MKX: variants seen among roughly 807,000 people sequenced by gnomAD.
MKX encodes the protein mohawk homeobox, also known as homeobox protein Mohawk.
In MKX, 13 loss-of-function variants were observed where a neutral mutation model predicts 36.0. The observed-to-expected ratio is 0.36, with a 90% CI of 0.24 to 0.57. The LOEUF is 0.57. Among genes scored for constraint, MKX ranks in the 20% least tolerant of loss-of-function variants. The probability of loss-of-function intolerance (pLI) is 0.79; values close to 1 mark genes in which losing one functional copy is unlikely to be tolerated. For synonymous variants in MKX, 176 were observed against 178.3 expected (o/e 0.99, Z 0.10); for missense variants, 458 against 456.4 (o/e 1.00, Z -0.03).
intron 5 of MKX, among the ~76,000 whole-genome samples, chr10:27,683,870 C>T (rs1335695276): frequency 1.3e-5 from 2 of 152,070 alleles, no homozygotes. Context: ...ACCAAATGAC[C>T]CCCAGGGCTC....
intron 5 of MKX, among the ~76,000 whole-genome samples, chr10:27,697,905 A>T (rs937984643): frequency 6.6e-6 from 1 of 152,160 alleles, no homozygotes; most frequent in Non-Finnish European, 1.5e-5. Context: ...GGCAGCAGGG[A>T]AGAGACCCCA....
intron 5 of MKX, among the ~76,000 whole-genome samples, chr10:27,688,642 C>T (rs960337119): frequency 1.3e-5 from 2 of 152,224 alleles, no homozygotes; most frequent in Non-Finnish European, 2.9e-5. Flanking sequence ...TCTGTGTGTG[C>T]TTGTATGTTG....
chr10:27,734,322 C>T (rs530902987), intron 5 of MKX, 134 bp downstream of exon 5: 4 of 791,332 alleles, frequency 5.1e-6, no homozygotes, highest in Admixed American at 3.1e-5. Flanking sequence ...AAAACGAAAG[C>T]TTTAAAACTG....
Position 27,734,741 on chromosome 10 carries a change from G to A in MKX, c.553C>T (p.Pro185Ser), listed in dbSNP as rs759513838. The A allele has an allele frequency of 3.1e-6, 5 of 1,614,018 alleles. No homozygotes were observed. Among genetic ancestry groups the A allele is most frequent in the Non-Finnish European group, 4.2e-6 (5 of 1,179,998 alleles). The change falls in exon 5 of 7, where the codon CCA (proline) becomes TCA (serine). Residue 185 changes from proline to serine, a missense_variant. Coordinates refer to ENST00000419761, the MANE Select transcript of MKX (RefSeq NM_173576.3). ...CTTTTAATCACAGGATGGTGAACTG[G>A]GGTATTATAGCCCCCTTCGTTCATG... ...THMNEGGYNTPVHHPVIKSEN... is the reference protein window; with the variant it reads ...THMNEGGYNTSVHHPVIKSEN...
chr10:27,701,308 C>T (rs76877924), intron 5 of MKX, among the ~76,000 whole-genome samples: 5 of 20,772 alleles, frequency 2.4e-4, no homozygotes, highest in African/African-American at 5.3e-4. Flanking sequence ...CGGCACGCAG[C>T]GCATTCTCAC....
intron 5 of MKX, among the ~76,000 whole-genome samples, chr10:27,701,318 C>T (rs1836648592): frequency 2.6e-5 from 1 of 38,908 alleles, no homozygotes; most frequent in Admixed American, 3.1e-4. Context: ...CGCATTCTCA[C>T]GTGATTTTAT....
At chr10:27,685,449 T>A (rs1836325754) in intron 5 of MKX, among the ~76,000 whole-genome samples, 1 of 27,618 alleles carries the variant, frequency 3.6e-5, no homozygotes, top group Non-Finnish European at 1.2e-4. Flanking sequence ...AGTGATTTTT[T>A]TTTTTTTTTT....
intron 5 of MKX, among the ~76,000 whole-genome samples, chr10:27,695,395 T>C (rs1836535557): frequency 6.7e-6 from 1 of 148,544 alleles, no homozygotes; most frequent in African/African-American, 2.5e-5. Context: ...AAGACAAGAA[T>C]AGGAGACAGG....
intron 5 of MKX, among the ~76,000 whole-genome samples, chr10:27,681,923 AG>A (rs58003239): frequency 0.16 from 23,579 of 151,118 alleles, 2,743 homozygotes; most frequent in East Asian, 0.55. Context: ...CTACGTCTCA[AG>A]AAAAAAAAAA....
At position 27,675,387 on chromosome 10, in the gene MKX, C is replaced by T. The variant is rs1330854930; in HGVS notation, c.901G>A (p.Asp301Asn). Reference sequence around the variant, plus strand: ...TTGATCTCCTTCCAATACGTGTCATCCTTGCTTGGTCCTTTTCTGTTAGCT... The same window carrying T: ...TTGATCTCCTTCCAATACGTGTCATTCTTGCTTGGTCCTTTTCTGTTAGCT... ...SAANRKGPSKDDTYWKEINAA... is the reference protein window; with the variant it reads ...SAANRKGPSKNDTYWKEINAA... Residue 301 changes from aspartate (D) to asparagine (N), a missense_variant, in exon 7 of 7, where the codon GAT becomes AAT. By Grantham distance (23) the Asp-to-Asn change is conservative. Transcript: ENST00000419761. 1 of 1,614,168 alleles carries T rather than the reference C, an allele frequency of 6.2e-7. No homozygotes were observed. The highest frequency in any genetic ancestry group is 1.7e-5 in the Admixed American group (1 of 60,018).
Position 27,741,321 on chromosome 10 carries a change from A to G in MKX, c.348+24T>C, listed in dbSNP as rs748172455. On this transcript the variant is annotated intron_variant, in intron 3 of 6. Transcript: ENST00000419761. This position sits in a 1 kb window ranked among gnomAD's most constrained non-coding sequence, Gnocchi z 5.1. ...TCAGCCCCTCGCGGGAAAACGGATC[A>G]GGGTGTTAATGGGTCCTGATTACCT... 1 of 1,608,816 alleles carries G rather than the reference A, an allele frequency of 6.2e-7. No individual in the cohort carries two copies. The highest frequency in any genetic ancestry group is 1.7e-5 in the Admixed American group (1 of 58,634).
Position 27,709,374 on chromosome 10 carries a change from A to G in MKX, c.838+25082T>C, listed in dbSNP as rs139617992. Among the ~76,000 whole-genome samples the G allele has an allele frequency of 4.6e-5, 7 of 152,314 alleles. No homozygotes were observed. In the East Asian group the frequency reaches 7.7e-4, roughly 17 times the overall value. On this transcript the variant is annotated intron_variant, in intron 5 of 6. Transcript: ENST00000419761. ...ACATGCAAATACTATGCCATTTTAC[A>G]TAAGAGACTTGAGCATCTGTGGATT...
chr10:27,741,526 C>T lies in MKX; in HGVS notation c.189-22G>A, dbSNP rs199806590. The stretch of plus-strand genomic sequence containing the variant: ...GGCGCTGGGACATGGGGAGAGGAGG[C>T]GGCCCTGGTGAGCGACGCGTTTGCC... On this transcript the variant is annotated intron_variant, in intron 2 of 6. Transcript: ENST00000419761. This position sits in a 1 kb window ranked among gnomAD's most constrained non-coding sequence, Gnocchi z 5.1. 5.8e-6 allele frequency: 9 copies of T among 1,562,984 alleles called. No individual in the cohort carries two copies. In the African/African-American group the frequency reaches 9.6e-5, roughly 17 times the overall value.
intron 5 of MKX, among the ~76,000 whole-genome samples, chr10:27,709,981 T>C (rs1034180357): frequency 2.2e-4 from 34 of 152,214 alleles, no homozygotes; most frequent in Non-Finnish European, 3.7e-4. Context: ...AGTATAGAAA[T>C]TATCAATGAG....
chr10:27,676,483 T>C (rs192879117), intron 5 of MKX, among the ~76,000 whole-genome samples: 2,262 of 151,270 alleles, frequency 0.015, 15 homozygotes, highest in South Asian at 0.036. Context: ...GTTCAAGCAA[T>C]TCTTCTGCCT....
chr10:27,734,897 G>T, intron 4 of MKX, 106 bp from the exon 5 acceptor site: 2 of 655,770 alleles, frequency 3.0e-6, no homozygotes, highest in Non-Finnish European at 4.5e-6. Context: ...TATATTTAAA[G>T]TATATAAAAT....
At chr10:27,730,433 C>G (rs545546405) in intron 5 of MKX, among the ~76,000 whole-genome samples, 1 of 149,756 alleles carries the variant, frequency 6.7e-6, no homozygotes, top group East Asian at 2.0e-4. Context: ...GATACATTAT[C>G]CTTTCTCACA....
intron 5 of MKX, among the ~76,000 whole-genome samples, chr10:27,723,643 A>T (rs1259522696): frequency 6.6e-6 from 1 of 152,230 alleles, no homozygotes; most frequent in East Asian, 1.9e-4. Context: ...TGTAAGCCCC[A>T]GTAACATTTA....
At chr10:27,730,723 G>T (rs2132632937) in intron 5 of MKX, among the ~76,000 whole-genome samples, 1 of 151,936 alleles carries the variant, frequency 6.6e-6, no homozygotes, top group Middle Eastern at 3.4e-3. Flanking sequence ...CTCCCAAAGT[G>T]CAGGGATTAC....
Sources: allele counts gnomAD v4.1 joint callset (sites outside exome capture counted in the v4.1 genomes callset), GRCh38; gene constraint gnomAD v4.1.1; non-coding constraint Gnocchi (gnomAD v3.1); transcripts MANE v1.5; gene names NCBI Gene and HGNC (gene_info 2026-07-23, HGNC 2026-07-21).